The following ADGRG3 variants were observed in gnomAD, a reference collection of about 807,000 sequenced individuals.
The protein encoded by ADGRG3 is adhesion G protein-coupled receptor G3.
ADGRG3 carries 39 observed loss-of-function variants against 54.3 expected under a neutral mutation model. That is an observed-to-expected ratio of 0.72 (90% confidence interval 0.56 to 0.94). The LOEUF (loss-of-function observed/expected upper bound fraction) is 0.94. ADGRG3 is among the 40% of genes least tolerant of loss of function. The pLI is 0.00. For missense variants in ADGRG3, 654 were observed against 694.6 expected (o/e 0.94, Z 0.66); for synonymous variants, 312 against 290.0 (o/e 1.08, Z -0.77).
chr16:57,670,309 A>G (rs1255118375), intron 1 of ADGRG3, among the ~76,000 whole-genome samples: 1 of 152,212 alleles, frequency 6.6e-6, no homozygotes, highest in Non-Finnish European at 1.5e-5. Context: ...TAAACACAGA[A>G]AAGATATTTA....
rs1555570076 is a variant in ADGRG3 at position 57,681,383 on chromosome 16, T to TGC, written c.881+768_881+769dup. Among the ~76,000 whole-genome samples, 487 of 88,208 alleles carry TGC rather than the reference T, an allele frequency of 5.5e-3. 3 individuals carry two copies. The highest frequency in any genetic ancestry group is 0.025 in the African/African-American group (463 of 18,874). The allele number at this position is 88,208 out of a possible 152,430, so 57.9% of individuals were successfully genotyped here. A position where few individuals can be genotyped will look rare whatever the true frequency, so the allele number is the denominator to read the frequency against. On this transcript the variant is annotated intron_variant, in intron 8 of 11. Coordinates refer to ENST00000333493, the MANE Select transcript of ADGRG3 (RefSeq NM_170776.5). The stretch of plus-strand genomic sequence containing the variant: ...GTGTGTGTGTGTGTGTGTGCGCGCG[T>TGC]GCGTGCGCGCAGGACATATCATTTG...
At chr16:57,680,426 G>A in intron 7 of ADGRG3, 61 bp downstream of exon 7, 6 of 1,564,558 alleles carry the variant, frequency 3.8e-6, no homozygotes, top group South Asian at 2.2e-5. Flanking sequence ...CTGCCCTGGG[G>A]AGGGGGCTGC....
upstream of ADGRG3, among the ~76,000 whole-genome samples, chr16:57,667,480 G>A (rs562378539): frequency 9.2e-5 from 14 of 152,396 alleles, no homozygotes; most frequent in African/African-American, 3.4e-4. Context: ...ACCATTTGGG[G>A]TGTAAAGACA....
upstream of ADGRG3, chr16:57,668,238 G>A: frequency 2.4e-6 from 2 of 846,692 alleles, no homozygotes; most frequent in African/African-American, 1.7e-5. Context: ...AGAGGACACA[G>A]GAAGCCAGAG....
intron 10 of ADGRG3, 36 bp from the exon 11 acceptor site, chr16:57,685,607 C>A: frequency 2.5e-6 from 4 of 1,602,444 alleles, no homozygotes; most frequent in Admixed American, 1.7e-5. Flanking sequence ...CCAGAGGTAC[C>A]ACTCCCAGTC....
Position 57,679,212 on chromosome 16 carries a change from G to A in ADGRG3, c.528G>A (p.Val176=). 1.2e-6 allele frequency: 2 copies of A among 1,614,046 alleles called. No individual in the cohort carries two copies. The highest frequency in any genetic ancestry group is 1.1e-5 in the South Asian group (1 of 91,086). The change falls in exon 5 of 12, where the codon GTG becomes GTA. Residue 176 remains valine (V), a synonymous_variant. Coordinates refer to ENST00000333493, the MANE Select transcript of ADGRG3 (RefSeq NM_170776.5). ...TCGGCCTGGGAGATGGCAGCGGCGT[G>A]TTGAACAATCGCCTGGTGGGTTTGA... ...PRLGLGDGSG[V]LNNRLVGLSV... is the part of the protein sequence containing the mutation.
In ADGRG3 at chr16:57,685,886, C is replaced by T. The variant is rs1441984674; in HGVS notation, c.1500C>T (p.Leu500=). The change falls in exon 11 of 12, where the codon CTC becomes CTT. Residue 500 remains leucine, a synonymous_variant. Transcript: ENST00000333493. The part of the protein sequence containing the change: ...WGLAIFTPLG[L]STVYIFALFN... ...TGGCCATCTTCACCCCGTTGGGCCT[C>T]TCCACCGTCTACATCTTTGCACTTT... 1 of 1,614,044 alleles carries T rather than the reference C, an allele frequency of 6.2e-7. No individual in the cohort carries two copies. The highest frequency in any genetic ancestry group is 8.5e-7 in the Non-Finnish European group (1 of 1,180,032).
upstream of ADGRG3, among the ~76,000 whole-genome samples, chr16:57,666,998 G>A (rs2048072867): frequency 6.6e-6 from 1 of 152,228 alleles, no homozygotes; most frequent in Admixed American, 6.5e-5. Context: ...GGCCAGGTGT[G>A]GAGCAGTGGC....
intron 10 of ADGRG3, among the ~76,000 whole-genome samples, 186 bp downstream of exon 10, chr16:57,684,669 G>C (rs746209258): frequency 2.0e-5 from 3 of 152,140 alleles, no homozygotes; most frequent in Non-Finnish European, 4.4e-5. Flanking sequence ...AGAGAGAGAG[G>C]GGAAGTGAAA....
At chr16:57,684,330 C>A in intron 9 of ADGRG3, 60 bp from the exon 10 acceptor site, 1 of 1,560,738 alleles carries the variant, frequency 6.4e-7, no homozygotes, top group Non-Finnish European at 8.8e-7. Flanking sequence ...CTGGAGGGGA[C>A]GTGGAGGAGG....
intron 2 of ADGRG3, among the ~76,000 whole-genome samples, chr16:57,675,962 T>C (rs1425305296): frequency 1.3e-5 from 2 of 152,248 alleles, no homozygotes; most frequent in Non-Finnish European, 2.9e-5. Flanking sequence ...AATTTTATGC[T>C]ATGTGTACTT....
Position 57,680,532 on chromosome 16 carries a change from C to T in ADGRG3, c.796C>T (p.His266Tyr). Reference protein sequence around the residue: ...LRPTLDQSTVHILTRISQAGC... With the variant: ...LRPTLDQSTVYILTRISQAGC... ...ACCCACCTTGGACCAGTCCACGGTGCATATCCTCACACGCATCTCCCAGGC... is the reference window on the plus strand; with the variant it reads ...ACCCACCTTGGACCAGTCCACGGTGTATATCCTCACACGCATCTCCCAGGC... Residue 266 changes from histidine (H) to tyrosine (Y), a missense_variant, in exon 8 of 12, where the codon CAT (histidine) becomes TAT (tyrosine). Transcript: ENST00000333493. 1 of 1,613,848 alleles carries T rather than the reference C, an allele frequency of 6.2e-7. No homozygotes were observed. The highest frequency in any genetic ancestry group is 8.5e-7 in the Non-Finnish European group (1 of 1,179,866).
At chr16:57,666,858 C>T (rs1235247103), upstream of ADGRG3, among the ~76,000 whole-genome samples, 3 of 152,304 alleles carry the variant, frequency 2.0e-5, no homozygotes, top group East Asian at 1.9e-4. Context: ...CTGGTACCTG[C>T]GAGCCTCTCT....
chr16:57,688,599 A>T lies in ADGRG3; in HGVS notation c.*138A>T. 1 of 665,668 alleles carries T rather than the reference A, an allele frequency of 1.5e-6. No homozygotes were observed. Among genetic ancestry groups the T allele is most frequent in the Non-Finnish European group, 2.7e-6 (1 of 365,238 alleles). The allele number at this position is 665,668 out of a possible 1,614,324, so 41.2% of individuals were successfully genotyped here. A position where few individuals can be genotyped will look rare whatever the true frequency, so the allele number is the denominator to read the frequency against. On this transcript the variant is annotated 3_prime_UTR_variant, in exon 12 of 12. Transcript: ENST00000333493. ...GAGGGAGAGGATGGGACCAGGTTGG[A>T]CCACGTGGCATCAGAGGTCCCATCC...
Position 57,682,472 on chromosome 16 carries a change from C to T in ADGRG3, c.882-1460C>T, listed in dbSNP as rs796463064. 8 of 984,992 alleles carry T rather than the reference C, an allele frequency of 8.1e-6. No homozygotes were observed. The African/African-American group carries it at 1.2e-4, about 15-fold the overall frequency. 61.0% of individuals were successfully genotyped at this position (984,992 alleles called of 1,614,324 possible). Reference sequence around the variant, plus strand: ...ATGAGTGTAAATGGTGCCCCTCACCCCCACCCTCCAAGCCCTGGCCTAGGA... The same window carrying T: ...ATGAGTGTAAATGGTGCCCCTCACCTCCACCCTCCAAGCCCTGGCCTAGGA... On this transcript the variant is annotated intron_variant, in intron 8 of 11. Transcript: ENST00000333493.
intron 2 of ADGRG3, among the ~76,000 whole-genome samples, chr16:57,675,556 G>T (rs917199798): frequency 6.6e-6 from 1 of 152,164 alleles, no homozygotes; most frequent in East Asian, 1.9e-4. Flanking sequence ...GCTTGAACCC[G>T]GGAGGCGGAG....
intron 1 of ADGRG3, among the ~76,000 whole-genome samples, chr16:57,668,770 G>T (rs1234491531): frequency 6.6e-6 from 1 of 152,160 alleles, no homozygotes; most frequent in Admixed American, 6.5e-5. Context: ...CAGCTGGCTT[G>T]TGAGATCCTG....
chr16:57,675,346 A>C (rs1343075469), intron 2 of ADGRG3, among the ~76,000 whole-genome samples: 1 of 152,066 alleles, frequency 6.6e-6, no homozygotes, highest in African/African-American at 2.4e-5. Flanking sequence ...AAATAGGGCC[A>C]GGTGCAGTGG....
chr16:57,682,424 C>G (rs557404893), intron 8 of ADGRG3: 212 of 945,532 alleles, frequency 2.2e-4, no homozygotes, highest in Non-Finnish European at 2.6e-4. Context: ...ACTAGGCCCA[C>G]CCAATCCATC....
Sources: gnomAD v4.1 joint callset for allele counts (sites outside exome capture counted in the v4.1 genomes callset) on GRCh38, gnomAD v4.1.1 for gene constraint, MANE v1.5 for transcripts, NCBI Gene and HGNC (gene_info 2026-07-23, HGNC 2026-07-21) for gene names.